Variants in RBFOX1 observed in about 807,000 individuals in gnomAD.
The protein encoded by RBFOX1 is RNA binding protein fox-1 homolog 1.
Under a neutral mutation model 57.7 loss-of-function variants are expected in RBFOX1, and 8 were observed. The observed-to-expected ratio is 0.14, with a 90% CI of 0.08 to 0.25. The LOEUF is 0.25. RBFOX1 is among the 10% of genes least tolerant of loss of function. The pLI, the probability that RBFOX1 is intolerant of heterozygous loss-of-function variation, is 1.00. For synonymous variants in RBFOX1, 326 were observed against 222.4 expected (o/e 1.47, Z -4.15); for missense variants, 611 against 548.5 (o/e 1.11, Z -1.14).
intron 4 of RBFOX1, among the ~76,000 whole-genome samples, chr16:7,441,839 C>T (rs1048219484): frequency 6.6e-6 from 1 of 152,192 alleles, no homozygotes; most frequent in Admixed American, 6.5e-5. Flanking sequence ...CAGCCTGCTT[C>T]ACGATCCACT....
At chr16:6,360,145 T>TA (rs1036994178) in intron 2 of RBFOX1, among the ~76,000 whole-genome samples, 32 of 151,806 alleles carry the variant, frequency 2.1e-4, no homozygotes, top group African/African-American at 7.0e-4. Context: ...TGTTTTCAAT[T>TA]AAAAAAAATA....
intron 2 of RBFOX1, among the ~76,000 whole-genome samples, chr16:5,563,561 A>C (rs947192817): frequency 6.6e-6 from 1 of 152,200 alleles, no homozygotes; most frequent in Non-Finnish European, 1.5e-5. Flanking sequence ...CACCTTGGTC[A>C]TCAAATTTGA....
chr16:7,278,193 C>T (rs574181175), intron 4 of RBFOX1, among the ~76,000 whole-genome samples: 2 of 152,150 alleles, frequency 1.3e-5, no homozygotes, highest in East Asian at 1.9e-4. Flanking sequence ...TATGGTTATA[C>T]TTGGTGTATG....
intron 1 of RBFOX1, among the ~76,000 whole-genome samples, chr16:6,220,768 C>T (rs892978513): frequency 6.6e-6 from 1 of 151,924 alleles, no homozygotes; most frequent in Non-Finnish European, 1.5e-5. Flanking sequence ...GCATTCATCA[C>T]AGTACAATCA....
intron 1 of RBFOX1, among the ~76,000 whole-genome samples, chr16:6,057,501 G>C (rs2095628830): frequency 6.6e-6 from 1 of 152,102 alleles, no homozygotes; most frequent in Non-Finnish European, 1.5e-5. Flanking sequence ...GCCTGGGTTA[G>C]GCTTTGGGAA....
chr16:6,537,572 T>A (rs2096752677), intron 2 of RBFOX1, among the ~76,000 whole-genome samples: 1 of 152,214 alleles, frequency 6.6e-6, no homozygotes, highest in South Asian at 2.1e-4. Context: ...GGCAGTATGA[T>A]TTCAGAGACC....
chr16:6,842,865 C>T (rs781761659), intron 3 of RBFOX1, among the ~76,000 whole-genome samples: 2 of 151,992 alleles, frequency 1.3e-5, no homozygotes. Context: ...TGTTCCCCTC[C>T]CTGTGTCCAT....
intron 3 of RBFOX1, among the ~76,000 whole-genome samples, chr16:6,804,936 T>A (rs759097589): frequency 6.6e-6 from 1 of 152,192 alleles, no homozygotes; most frequent in Non-Finnish European, 1.5e-5. Context: ...TCTCATATGC[T>A]GTTGGTCGGA....
At chr16:5,910,393 T>G (rs2058575918) in intron 4 of RBFOX1, among the ~76,000 whole-genome samples, 1 of 152,204 alleles carries the variant, frequency 6.6e-6, no homozygotes, top group African/African-American at 2.4e-5. Context: ...GAATGTCCCT[T>G]CTTCAGCTCA....
At chr16:7,404,352 C>T (rs144870161) in intron 4 of RBFOX1, among the ~76,000 whole-genome samples, 2 of 152,098 alleles carry the variant, frequency 1.3e-5, no homozygotes, top group Non-Finnish European at 2.9e-5. Flanking sequence ...CGTGCCCAGC[C>T]GACATAGGAA....
chr16:7,664,915 G>A lies in RBFOX1; in HGVS notation c.891-14G>A, dbSNP rs549860516. On this transcript the variant is annotated splice_polypyrimidine_tract_variant and intron_variant, in intron 12 of 15. Coordinates refer to ENST00000550418, the MANE Select transcript of RBFOX1 (RefSeq NM_018723.4). ...CTAATATGGATGTTTCTCTTTGTGT[G>A]TGCACCCTTGCAGTGTTGTTTACCA... 1.9e-6 allele frequency: 3 copies of A among 1,613,916 alleles called. No homozygotes were observed. In the South Asian group the frequency reaches 3.3e-5, roughly 18 times the overall value.
chr16:5,590,078 A>ACACAC (rs1567267363), intron 2 of RBFOX1, among the ~76,000 whole-genome samples: 2 of 148,498 alleles, frequency 1.3e-5, no homozygotes, highest in South Asian at 4.4e-4. Flanking sequence ...CACACACACA[A>ACACAC]AAAGGGCAGC....
At chr16:6,984,871 C>A (rs1318535445) in intron 3 of RBFOX1, among the ~76,000 whole-genome samples, 3 of 152,004 alleles carry the variant, frequency 2.0e-5, no homozygotes, top group Non-Finnish European at 4.4e-5. Flanking sequence ...GAACTCCTGA[C>A]CTCAGCTGAT....
chr16:5,487,064 T>C (rs140540439), intron 2 of RBFOX1, among the ~76,000 whole-genome samples: 64 of 152,316 alleles, frequency 4.2e-4, no homozygotes, highest in African/African-American at 1.5e-3. Flanking sequence ...AGAATTCCTT[T>C]TCCTCTTTCA....
At position 5,881,403 on chromosome 16, in the gene RBFOX1, G is replaced by T. The variant is rs541452176; in HGVS notation, c.351+14068G>T. 1.2e-3 allele frequency among the ~76,000 whole-genome samples: 182 copies of T among 152,286 alleles called. 1 individual carries two copies. The highest frequency in any genetic ancestry group is 1.7e-3 in the Non-Finnish European group (119 of 68,030). On this transcript the variant is annotated intron_variant, in intron 4 of 19. Transcript: ENST00000641259. ...GGCATTTAAGAGTATTAGGGGTCTG[G>T]GTGTGGTGGCTCACACCTGTAATCC...
At chr16:6,887,455 C>G (rs1010511082) in intron 3 of RBFOX1, among the ~76,000 whole-genome samples, 6 of 152,096 alleles carry the variant, frequency 3.9e-5, no homozygotes, top group East Asian at 1.9e-4. Context: ...TGATCATTTT[C>G]TAAACTTCGC....
At chr16:6,603,776 G>A (rs1274808104) in intron 2 of RBFOX1, among the ~76,000 whole-genome samples, 1 of 152,144 alleles carries the variant, frequency 6.6e-6, no homozygotes, top group Non-Finnish European at 1.5e-5. Flanking sequence ...GTTAACATCT[G>A]AATCATTGGC....
exon 1 of RBFOX1, chr16:5,239,951 G>T: frequency 1.3e-6 from 2 of 1,528,156 alleles, no homozygotes; most frequent in Non-Finnish European, 1.8e-6. Context: ...GGCCGGCCCA[G>T]GAGGGAGGAG....
intron 14 of RBFOX1, among the ~76,000 whole-genome samples, chr16:7,694,800 G>C (rs192697446): frequency 6.6e-6 from 1 of 152,100 alleles, no homozygotes; most frequent in Non-Finnish European, 1.5e-5. Flanking sequence ...AGGGGAGACC[G>C]CTTGGAATGG....
Sources: allele counts gnomAD v4.1 joint callset (sites outside exome capture counted in the v4.1 genomes callset), GRCh38; gene constraint gnomAD v4.1.1; transcripts MANE v1.5; gene names NCBI Gene and HGNC (gene_info 2026-07-23, HGNC 2026-07-21).